TSPAN9: variants seen among roughly 807,000 people sequenced by gnomAD.
TSPAN9 encodes the protein tetraspanin-9.
Under a neutral mutation model 31.0 loss-of-function variants are expected in TSPAN9, and 16 were observed. The ratio of observed to expected loss-of-function variants is 0.52; its 90% CI spans 0.35 to 0.78. TSPAN9 has a LOEUF of 0.78. Ranked by LOEUF, TSPAN9 falls within the 30% of genes least tolerant of loss-of-function variation. The pLI is 0.01. For synonymous variants in TSPAN9, 145 were observed against 121.6 expected (o/e 1.19, Z -1.27); for missense variants, 272 against 312.5 (o/e 0.87, Z 0.98).
intron 3 of TSPAN9, among the ~76,000 whole-genome samples, chr12:3,245,234 A>C (rs1348518383): frequency 6.6e-6 from 1 of 152,110 alleles, no homozygotes; most frequent in Non-Finnish European, 1.5e-5. Context: ...CGTTTCTTGC[A>C]CCTGCCAGCC....
chr12:3,139,747 C>A (rs2098333878), intron 2 of TSPAN9, among the ~76,000 whole-genome samples: 1 of 152,154 alleles, frequency 6.6e-6, no homozygotes. Context: ...AGGGTTTCAC[C>A]ATGCTGCCCA....
chr12:3,269,755 G>C (rs959666285), intron 3 of TSPAN9, among the ~76,000 whole-genome samples: 3 of 152,246 alleles, frequency 2.0e-5, no homozygotes, highest in African/African-American at 7.2e-5. Context: ...GGATTGCTGA[G>C]TCACAAGCGC....
intron 3 of TSPAN9, among the ~76,000 whole-genome samples, chr12:3,225,550 C>T (rs1439381774): frequency 1.3e-5 from 2 of 152,102 alleles, no homozygotes; most frequent in African/African-American, 4.8e-5. Context: ...AGCTGCCAAC[C>T]AAGCCTGATG....
intron 3 of TSPAN9, among the ~76,000 whole-genome samples, chr12:3,226,760 A>G (rs1410747418): frequency 6.7e-4 from 1 of 1,486 alleles, no homozygotes; most frequent in Non-Finnish European, 1.6e-3. Flanking sequence ...ATATATATAT[A>G]TATATATATA....
chr12:3,087,103 G>T (rs1025961394), intron 2 of TSPAN9, among the ~76,000 whole-genome samples: 2 of 152,210 alleles, frequency 1.3e-5, no homozygotes, highest in Admixed American at 6.5e-5. Context: ...ACATGTGTGG[G>T]TGTTAGTGAC....
intron 2 of TSPAN9, among the ~76,000 whole-genome samples, chr12:3,180,502 G>A (rs1335489643): frequency 6.6e-6 from 1 of 151,876 alleles, no homozygotes; most frequent in Non-Finnish European, 1.5e-5. Flanking sequence ...AAAGTCTTCT[G>A]ACCCACTCAG....
intron 2 of TSPAN9, among the ~76,000 whole-genome samples, chr12:3,185,163 T>C (rs1023825851): frequency 4.6e-5 from 7 of 152,140 alleles, no homozygotes; most frequent in African/African-American, 1.7e-4. Context: ...ATTTATTGAG[T>C]GTGGCTGTGT....
chr12:3,194,794 C>T (rs565496181), intron 2 of TSPAN9, among the ~76,000 whole-genome samples: 3 of 152,282 alleles, frequency 2.0e-5, no homozygotes, highest in African/African-American at 4.8e-5. Flanking sequence ...TCGATGTTAC[C>T]GTCCTTCCTG....
chr12:3,279,805 C>A (rs1862861562), intron 5 of TSPAN9, among the ~76,000 whole-genome samples: 1 of 152,230 alleles, frequency 6.6e-6, no homozygotes, highest in Non-Finnish European at 1.5e-5. Flanking sequence ...GAAGAAAGAA[C>A]AATGTTGAGA....
intron 2 of TSPAN9, chr12:3,200,400 C>G (rs1041326618): frequency 6.6e-6 from 1 of 152,212 alleles, no homozygotes; most frequent in Non-Finnish European, 1.5e-5. Flanking sequence ...CGGCACTGTC[C>G]GCCGCGCGCC....
intron 3 of TSPAN9, among the ~76,000 whole-genome samples, chr12:3,218,391 G>A (rs949761990): frequency 6.6e-6 from 1 of 152,208 alleles, no homozygotes; most frequent in African/African-American, 2.4e-5. Flanking sequence ...AACTAGATTT[G>A]AAACCTCTTA....
intron 3 of TSPAN9, among the ~76,000 whole-genome samples, chr12:3,271,124 A>G (rs1408953209): frequency 6.6e-6 from 1 of 152,230 alleles, no homozygotes; most frequent in Non-Finnish European, 1.5e-5. Flanking sequence ...AGGCACAAAA[A>G]TATGGGTGTC....
At chr12:3,209,731 G>A (rs554580965) in intron 3 of TSPAN9, among the ~76,000 whole-genome samples, 5 of 151,418 alleles carry the variant, frequency 3.3e-5, no homozygotes, top group Admixed American at 2.0e-4. Flanking sequence ...AGGCCGAGGC[G>A]GGCGGATCAC....
chr12:3,135,692 C>G (rs1007063685), intron 2 of TSPAN9, among the ~76,000 whole-genome samples: 2 of 152,124 alleles, frequency 1.3e-5, no homozygotes, highest in Non-Finnish European at 2.9e-5. Context: ...CCATCGTATT[C>G]AAGTCAAGCC....
At position 3,197,561 on chromosome 12, in the gene TSPAN9, GCACTCAGAATGGGAGAGCTC is replaced by G. The variant is rs896572302; in HGVS notation, c.-17-3595_-17-3576del. ...CAGTTTCCTTTAAAGTAGGGGAGCT[GCACTCAGAATGGGAGAGCTC>G]CACTCAGAATGGGAGAGCTCTCACC... On this transcript the variant is annotated intron_variant, in intron 2 of 8. Coordinates refer to ENST00000011898, the MANE Select transcript of TSPAN9 (RefSeq NM_006675.5). Among the ~76,000 whole-genome samples the G allele has an allele frequency of 1.0e-3, 158 of 152,300 alleles. No individual in the cohort carries two copies. The East Asian group carries it at 0.02, about 19-fold the overall frequency.
intron 3 of TSPAN9, among the ~76,000 whole-genome samples, chr12:3,261,337 G>GA (rs1170907283): frequency 6.6e-6 from 1 of 152,130 alleles, no homozygotes; most frequent in Non-Finnish European, 1.5e-5. Flanking sequence ...TGCATTTTTG[G>GA]AGGAGATAGC....
At chr12:3,142,671 C>T (rs932666095) in intron 2 of TSPAN9, among the ~76,000 whole-genome samples, 5 of 152,104 alleles carry the variant, frequency 3.3e-5, no homozygotes, top group East Asian at 3.9e-4. Context: ...CCTGGTGCCC[C>T]GCATCCCTGC....
chr12:3,162,499 C>T (rs2098345934), intron 2 of TSPAN9, among the ~76,000 whole-genome samples: 1 of 152,092 alleles, frequency 6.6e-6, no homozygotes, highest in Non-Finnish European at 1.5e-5. Context: ...GTTATCAACT[C>T]TTGTTCTACC....
chr12:3,163,739 C>CA (rs1388480283), intron 2 of TSPAN9, among the ~76,000 whole-genome samples: 1 of 152,188 alleles, frequency 6.6e-6, no homozygotes, highest in African/African-American at 2.4e-5. Flanking sequence ...CAGCTAGCAT[C>CA]AGTGAGACCA....
Sources: allele counts gnomAD v4.1 joint callset (sites outside exome capture counted in the v4.1 genomes callset), GRCh38; gene constraint gnomAD v4.1.1; transcripts MANE v1.5; gene names NCBI Gene and HGNC (gene_info 2026-07-23, HGNC 2026-07-21).